The following LOXHD1 variants were observed in gnomAD, a reference collection of about 807,000 sequenced individuals.
LOXHD1 encodes the protein lipoxygenase homology PLAT domains 1, also known as lipoxygenase homology domain-containing protein 1.
A neutral mutation model predicts 248.2 loss-of-function variants in LOXHD1; 205 were observed. The observed-to-expected ratio is 0.83, with a 90% CI of 0.74 to 0.93. The LOEUF (loss-of-function observed/expected upper bound fraction) is 0.93. Among genes scored for constraint, LOXHD1 ranks in the 40% least tolerant of loss-of-function variants. LOXHD1 has a pLI of 0.00. For synonymous variants in LOXHD1, 1,113 were observed against 1,162.8 expected (o/e 0.96, Z 0.87); for missense variants, 2,930 against 2,971.6 (o/e 0.99, Z 0.33).
chr18:46,479,936 C>G (rs879362534), intron 40 of LOXHD1, among the ~76,000 whole-genome samples: 3 of 152,042 alleles, frequency 2.0e-5, no homozygotes, highest in Non-Finnish European at 2.9e-5. Context: ...CTTAAGGTGA[C>G]CCAGAGCCAG....
At chr18:46,483,965 C>T (rs773561245) in intron 39 of LOXHD1, among the ~76,000 whole-genome samples, 7 of 152,042 alleles carry the variant, frequency 4.6e-5, no homozygotes, top group Admixed American at 6.5e-5. Flanking sequence ...GCCTCAGCAC[C>T]AAAGAATGGT....
chr18:46,639,154 G>A (rs1263328930), intron 4 of LOXHD1, among the ~76,000 whole-genome samples: 1 of 152,182 alleles, frequency 6.6e-6, no homozygotes, highest in South Asian at 2.1e-4. Flanking sequence ...AAATCAGGAG[G>A]AGTCAGAGGG....
In LOXHD1 at chr18:46,507,690, G is replaced by A; in HGVS notation, c.5540C>T (p.Thr1847Ile). 1 of 1,551,624 alleles carries A rather than the reference G, an allele frequency of 6.4e-7. No homozygotes were observed. The highest frequency in any genetic ancestry group is 8.7e-7 in the Non-Finnish European group (1 of 1,146,902). The change falls in exon 36 of 41, where the codon ACT (threonine) becomes ATT (isoleucine). Residue 1847 changes from threonine to isoleucine, a missense_variant. By Grantham distance (89) the Thr-to-Ile change is moderately conservative. Coordinates refer to ENST00000642948, the MANE Select transcript of LOXHD1 (RefSeq NM_001384474.1). ...LERILLKNMNTGDLTMFYYGD... is the reference protein window; with the variant it reads ...LERILLKNMNIGDLTMFYYGD... ...ATAGTAGAACATGGTCAGGTCTCCA[G>A]TGTTCATGTTCTTCAGTAGGATCTG...
chr18:46,544,257 G>A (rs1049642722), intron 23 of LOXHD1, among the ~76,000 whole-genome samples: 1 of 152,216 alleles, frequency 6.6e-6, no homozygotes, highest in Non-Finnish European at 1.5e-5. Flanking sequence ...TAATGTTTCT[G>A]AGACTTGGTT....
At chr18:46,493,565 C>A (rs2033637989) in intron 37 of LOXHD1, among the ~76,000 whole-genome samples, 1 of 152,114 alleles carries the variant, frequency 6.6e-6, no homozygotes, top group Admixed American at 6.5e-5. Flanking sequence ...GGAAGAATGG[C>A]TCTAATGGTG....
chr18:46,562,459 C>T (rs1053692884), intron 18 of LOXHD1, among the ~76,000 whole-genome samples: 1 of 152,240 alleles, frequency 6.6e-6, no homozygotes, highest in Admixed American at 6.5e-5. Context: ...TTGCCAACAC[C>T]ATGCCCACAT....
chr18:46,602,861 C>T (rs559018759), intron 7 of LOXHD1, among the ~76,000 whole-genome samples: 61 of 152,250 alleles, frequency 4.0e-4, no homozygotes, highest in African/African-American at 1.4e-3. Flanking sequence ...ATACTTTCAT[C>T]GTTTAGGATA....
chr18:46,524,651 G>A (rs906222706), intron 30 of LOXHD1, 50 bp from the exon 31 acceptor site: 5 of 1,551,076 alleles, frequency 3.2e-6, no homozygotes, highest in South Asian at 2.4e-5. Context: ...CCTCCACCTC[G>A]AGGGACCTCC....
chr18:46,561,160 G>C (rs564419091), intron 18 of LOXHD1, among the ~76,000 whole-genome samples: 7 of 152,312 alleles, frequency 4.6e-5, no homozygotes, highest in African/African-American at 1.4e-4. Flanking sequence ...CATGGCCTCA[G>C]CCTGACTGCC....
intron 12 of LOXHD1, among the ~76,000 whole-genome samples, chr18:46,589,741 T>C (rs2038131060): frequency 6.6e-6 from 1 of 152,166 alleles, no homozygotes; most frequent in African/African-American, 2.4e-5. Flanking sequence ...ATTTATATAC[T>C]GAAGTCCTAA....
intron 39 of LOXHD1, among the ~76,000 whole-genome samples, chr18:46,484,295 C>T (rs2032850759): frequency 6.6e-6 from 1 of 152,118 alleles, no homozygotes; most frequent in East Asian, 1.9e-4. Flanking sequence ...CCCCAGTTCC[C>T]CCAAATTTAT....
intron 37 of LOXHD1, among the ~76,000 whole-genome samples, chr18:46,494,847 C>CT (rs1256277774): frequency 1.1e-4 from 12 of 113,432 alleles, no homozygotes; most frequent in East Asian, 4.9e-4. Context: ...TTTTCTCTCT[C>CT]TCTTTTTTTT....
chr18:46,485,647 C>G (rs1462020336), intron 38 of LOXHD1, among the ~76,000 whole-genome samples: 1 of 152,186 alleles, frequency 6.6e-6, no homozygotes, highest in Non-Finnish European at 1.5e-5. Flanking sequence ...GTGTGCACTC[C>G]TCCAACACTG....
intron 15 of LOXHD1, among the ~76,000 whole-genome samples, chr18:46,569,932 T>A (rs1213601330): frequency 6.6e-6 from 1 of 152,190 alleles, no homozygotes; most frequent in Admixed American, 6.5e-5. Context: ...AGCAAGAACA[T>A]CAAAACATAA....
intron 40 of LOXHD1, among the ~76,000 whole-genome samples, chr18:46,480,214 T>C (rs1285085337): frequency 6.6e-6 from 1 of 152,192 alleles, no homozygotes; most frequent in Non-Finnish European, 1.5e-5. Flanking sequence ...GTACTTTTTT[T>C]TGCTCCCTCT....
intron 38 of LOXHD1, among the ~76,000 whole-genome samples, chr18:46,485,819 C>T (rs926090779): frequency 2.0e-5 from 3 of 152,062 alleles, no homozygotes; most frequent in Non-Finnish European, 2.9e-5. Flanking sequence ...GAAAACCTGG[C>T]TCCCCATTTC....
chr18:46,560,209 ACTC>A lies in LOXHD1; in HGVS notation c.2932_2934del (p.Glu978del), dbSNP rs2037488367. ...ATCACCTCCTGCATCCCCGGCCCAA[ACTC>A]CTCCTCTTCCTCCTCTTCTTCCATC... is the stretch of plus-strand genomic sequence containing the variant. On this transcript the variant is annotated inframe_deletion, in exon 19 of 41. Transcript: ENST00000642948. 5 of 1,550,034 alleles carry A rather than the reference ACTC, an allele frequency of 3.2e-6. No homozygotes were observed. Among genetic ancestry groups the A allele is most frequent in the Non-Finnish European group, 4.4e-6 (5 of 1,146,496 alleles).
intron 5 of LOXHD1, among the ~76,000 whole-genome samples, chr18:46,613,081 C>T (rs1043898110): frequency 6.6e-6 from 1 of 152,064 alleles, no homozygotes; most frequent in African/African-American, 2.4e-5. Flanking sequence ...ATATTTAGCT[C>T]TTTATGGCTT....
At position 46,610,911 on chromosome 18, in the gene LOXHD1, T is replaced by C; in HGVS notation, c.624A>G (p.Leu208=). ...GEYGDTGERR[L]ENEKDNFEKG... ...TTTCAAAGTTGTCCTTTTCATTTTC[T>C]AGCCTACGCTCCCCTGTATGCACAG... The change falls in exon 6 of 41, where the codon CTA becomes CTG. Residue 208 remains leucine (L), a synonymous_variant. Coordinates refer to ENST00000642948, the MANE Select transcript of LOXHD1 (RefSeq NM_001384474.1). 1 of 1,551,908 alleles carries C rather than the reference T, an allele frequency of 6.4e-7. No homozygotes were observed. Among genetic ancestry groups the C allele is most frequent in the Non-Finnish European group, 8.7e-7 (1 of 1,147,016 alleles).
Sources: gnomAD v4.1 joint callset for allele counts (sites outside exome capture counted in the v4.1 genomes callset) on GRCh38, gnomAD v4.1.1 for gene constraint, MANE v1.5 for transcripts, NCBI Gene and HGNC (gene_info 2026-07-23, HGNC 2026-07-21) for gene names.